SPAST: variants seen among roughly 807,000 people sequenced by gnomAD.
SPAST encodes spastin.
SPAST carries 30 observed loss-of-function variants against 76.6 expected under a neutral mutation model. The ratio of observed to expected loss-of-function variants is 0.39; its 90% CI spans 0.29 to 0.53. SPAST has a LOEUF of 0.53. SPAST is among the 20% of genes least tolerant of loss of function. The pLI is 0.68. For synonymous variants in SPAST, 305 were observed against 281.0 expected, an observed-to-expected ratio of 1.09 and a Z score of -0.86; for missense variants, 717 against 770.5, an observed-to-expected ratio of 0.93 and a Z score of 0.82.
At chr2:32,099,791 C>T (rs968786799) in intron 4 of SPAST, among the ~76,000 whole-genome samples, 1 of 151,802 alleles carries the variant, frequency 6.6e-6, no homozygotes, top group Non-Finnish European at 1.5e-5. Context: ...ACCTTTGTAT[C>T]CTTTCCCTAC....
intron 12 of SPAST, among the ~76,000 whole-genome samples, chr2:32,138,247 C>T (rs909165615): frequency 3.9e-5 from 6 of 152,232 alleles, no homozygotes; most frequent in African/African-American, 1.2e-4. Context: ...CTGCTTTCTA[C>T]AATGACTGAA....
At chr2:32,092,237 T>G (rs1016213287) in intron 3 of SPAST, among the ~76,000 whole-genome samples, 1 of 152,244 alleles carries the variant, frequency 6.6e-6, no homozygotes, top group African/African-American at 2.4e-5. Flanking sequence ...TGACAGGATT[T>G]GCCTTCTTCC....
intron 7 of SPAST, among the ~76,000 whole-genome samples, chr2:32,126,254 C>T (rs1356021138): frequency 6.6e-6 from 1 of 152,138 alleles, no homozygotes; most frequent in African/African-American, 2.4e-5. Context: ...AGGTTTTAAG[C>T]TCTGCTAAGT....
chr2:32,073,803 TGAG>T (rs1012001561), intron 1 of SPAST, among the ~76,000 whole-genome samples: 6 of 152,234 alleles, frequency 3.9e-5, no homozygotes, highest in African/African-American at 1.4e-4. Flanking sequence ...TTCTGGTTAA[TGAG>T]GAAAGAAAAA....
intron 13 of SPAST, 75 bp downstream of exon 13, chr2:32,142,021 C>T (rs1679737569): frequency 8.9e-7 from 1 of 1,122,502 alleles, no homozygotes; most frequent in Non-Finnish European, 1.4e-6. Context: ...ATTAAGTCTT[C>T]CAATCCATGG....
At chr2:32,116,076 G>A in intron 6 of SPAST, 43 bp from the exon 7 acceptor site, 2 of 1,365,194 alleles carry the variant, frequency 1.5e-6, no homozygotes. Flanking sequence ...TAATAACTGG[G>A]CCCTGTTTGT....
intron 3 of SPAST, among the ~76,000 whole-genome samples, chr2:32,097,456 T>C (rs1175400769): frequency 2.6e-5 from 4 of 152,188 alleles, no homozygotes; most frequent in African/African-American, 9.7e-5. Flanking sequence ...CTGGGTCCTT[T>C]TTAGAGGTAA....
Position 32,063,742 on chromosome 2 carries a change from C to A in SPAST, c.-90C>A, listed in dbSNP as rs1380704736. The A allele has an allele frequency of 1.7e-5, 25 of 1,493,250 alleles. No homozygotes were observed. Among genetic ancestry groups the A allele is most frequent in the Non-Finnish European group, 2.2e-5 (25 of 1,120,446 alleles). The allele number at this position is 1,493,250 out of a possible 1,614,324, so 92.5% of individuals were successfully genotyped here. On this transcript the variant is annotated 5_prime_UTR_variant, in exon 1 of 17. Transcript: ENST00000315285. The stretch of plus-strand genomic sequence containing the variant: ...CCGGCGGGCACACGGGGGTCTGTGG[C>A]CCCCGCCGTAGCAGTGGCTGCCGCC...
At chr2:32,118,993 A>G (rs1426096399) in intron 7 of SPAST, among the ~76,000 whole-genome samples, 6 of 152,200 alleles carry the variant, frequency 3.9e-5, no homozygotes, top group Non-Finnish European at 8.8e-5. Context: ...ATAATAATGT[A>G]AAAATGCCAG....
intron 4 of SPAST, among the ~76,000 whole-genome samples, chr2:32,099,646 A>T (rs796524496): frequency 1.3e-5 from 2 of 152,216 alleles, no homozygotes; most frequent in African/African-American, 4.8e-5. Flanking sequence ...CATCCCAAAC[A>T]TTTATCATTC....
rs1461697964 is a variant in SPAST, at chr2:32,063,819, G to T, written c.-13G>T. ...GAGGCGGGTTATGGCGGCGGCGGCAGTGAGAGCTGTGAATGAATTCTCCGG... is the reference window on the plus strand; with the variant it reads ...GAGGCGGGTTATGGCGGCGGCGGCATTGAGAGCTGTGAATGAATTCTCCGG... On this transcript the variant is annotated 5_prime_UTR_variant, in exon 1 of 17. Transcript: ENST00000315285. 1.3e-6 allele frequency: 2 copies of T among 1,560,422 alleles called. No homozygotes were observed. Among genetic ancestry groups the T allele is most frequent in the Non-Finnish European group, 1.7e-6 (2 of 1,161,758 alleles).
At chr2:32,090,364 C>G (rs1179126829) in intron 3 of SPAST, among the ~76,000 whole-genome samples, 1 of 152,120 alleles carries the variant, frequency 6.6e-6, no homozygotes. Context: ...ACTTGACATC[C>G]CACTTCACTG....
intron 4 of SPAST, among the ~76,000 whole-genome samples, chr2:32,110,573 A>ATATATATACTATATAGTGTGTATATATAG (rs1678527760): frequency 7.9e-6 from 1 of 127,180 alleles, no homozygotes; most frequent in Non-Finnish European, 1.6e-5. Context: ...TATATATAGT[A>ATATATATACTATATAGTGTGTATATATAG]TATATATAGT....
Position 32,144,931 on chromosome 2 carries a change from C to T in SPAST, c.1617-6C>T, listed in dbSNP as rs779421946. ...TAATTTGCTGTTTCTTCCTTCCCTT[C>T]CTCAGAATGACTGATGGATACTCAG... On this transcript the variant is annotated splice_region_variant and splice_polypyrimidine_tract_variant and intron_variant, in intron 14 of 16. Coordinates refer to ENST00000315285, the MANE Select transcript of SPAST (RefSeq NM_014946.4). 1.9e-6 allele frequency: 3 copies of T among 1,609,054 alleles called. No homozygotes were observed. Among genetic ancestry groups the T allele is most frequent in the Non-Finnish European group, 2.5e-6 (3 of 1,176,522 alleles).
At chr2:32,075,461 T>C (rs1318378538) in intron 1 of SPAST, among the ~76,000 whole-genome samples, 2 of 142,444 alleles carry the variant, frequency 1.4e-5, no homozygotes, top group African/African-American at 2.6e-5. Context: ...AACAAAAATA[T>C]TTGTGTTAAT....
chr2:32,152,960 C>A (rs1259711681), intron 16 of SPAST, among the ~76,000 whole-genome samples: 2 of 152,114 alleles, frequency 1.3e-5, no homozygotes, highest in Admixed American at 6.5e-5. Context: ...GTTGCCCAGG[C>A]TGGTCTCTAA....
At chr2:32,125,738 C>T (rs977126708) in intron 7 of SPAST, among the ~76,000 whole-genome samples, 2 of 152,068 alleles carry the variant, frequency 1.3e-5, no homozygotes, top group Non-Finnish European at 2.9e-5. Flanking sequence ...TTGGTACCTG[C>T]TTGACTGCCT....
chr2:32,144,673 G>A (rs1558341661), intron 14 of SPAST, among the ~76,000 whole-genome samples: 1 of 152,082 alleles, frequency 6.6e-6, no homozygotes, highest in Non-Finnish European at 1.5e-5. Flanking sequence ...ATCACCTGAG[G>A]TCAGGAGTTC....
chr2:32,125,932 C>T (rs1173585214), intron 7 of SPAST, among the ~76,000 whole-genome samples: 3 of 151,940 alleles, frequency 2.0e-5, no homozygotes, highest in Non-Finnish European at 4.4e-5. Context: ...GTAGCTGGGA[C>T]GACAGGCACC....
Sources: allele counts gnomAD v4.1 joint callset (sites outside exome capture counted in the v4.1 genomes callset), GRCh38; gene constraint gnomAD v4.1.1; transcripts MANE v1.5; gene names NCBI Gene and HGNC (gene_info 2026-07-23, HGNC 2026-07-21).